The following CYFIP2 variants were observed in gnomAD, a reference collection of about 807,000 sequenced individuals.
The protein encoded by CYFIP2 is cytoplasmic FMR1-interacting protein 2.
Under a neutral mutation model 158.7 loss-of-function variants are expected in CYFIP2, and 29 were observed. The ratio of observed to expected loss-of-function variants is 0.18; its 90% CI spans 0.14 to 0.25. The LOEUF (loss-of-function observed/expected upper bound fraction) is 0.25, where lower values mean the gene tolerates loss of function less well. Among genes scored for constraint, CYFIP2 ranks in the 10% least tolerant of loss-of-function variants. The probability of loss-of-function intolerance (pLI) is 1.00; values close to 1 mark genes in which losing one functional copy is unlikely to be tolerated. For missense variants in CYFIP2, 852 were observed against 1,639.5 expected (o/e 0.52, Z 8.29); for synonymous variants, 585 against 617.6 (o/e 0.95, Z 0.78).
rs564984266 is a variant in CYFIP2 at position 157,310,629 on chromosome 5, C to G, written c.992+795C>G. ...AGCAGGGAATGGAGAATGCTGAACT[C>G]ATTCCTCACTTTTCCCTGCCTGACT... On this transcript the variant is annotated intron_variant, in intron 10 of 30. Transcript: ENST00000620254. 5.3e-5 allele frequency among the ~76,000 whole-genome samples: 8 copies of G among 152,372 alleles called. No homozygotes were observed. In the South Asian group the frequency reaches 1.7e-3, roughly 32 times the overall value.
At chr5:157,338,862 G>A (rs12517646) in intron 21 of CYFIP2, among the ~76,000 whole-genome samples, 195 bp from the exon 22 acceptor site, 70,625 of 152,052 alleles carry the variant, frequency 0.46, 18,246 homozygotes, top group African/African-American at 0.71. Flanking sequence ...TTCTGTCAGC[G>A]TAGTCTGACA....
At chr5:157,364,555 G>C (rs1332098457) in intron 26 of CYFIP2, 1 of 152,328 alleles carries the variant, frequency 6.6e-6, no homozygotes, top group Non-Finnish European at 1.5e-5. Context: ...CAGCAGCAGA[G>C]GTGGAAGAAC....
At chr5:157,320,513 G>A in intron 14 of CYFIP2, 142 bp from the exon 15 acceptor site, 1 of 1,098,690 alleles carries the variant, frequency 9.1e-7, no homozygotes, top group Non-Finnish European at 1.3e-6. Flanking sequence ...TGGAATTGGG[G>A]CAGAAATGAG....
In CYFIP2 at chr5:157,306,909, A is replaced by C. The variant is rs1010496173; in HGVS notation, c.796-852A>C. ...AGGCCATCTTAAAAAAAAAAAAAAA[A>C]CCGGAAATGCACCCACAGAGGAAGC... On this transcript the variant is annotated intron_variant, in intron 8 of 30. Coordinates refer to ENST00000620254, the MANE Select transcript of CYFIP2 (RefSeq NM_001037333.3). Among the ~76,000 whole-genome samples, 8 of 150,812 alleles carry C rather than the reference A, an allele frequency of 5.3e-5. No individual in the cohort carries two copies. In the South Asian group the frequency reaches 8.4e-4, roughly 16 times the overall value.
chr5:157,315,067 C>T lies in CYFIP2; in HGVS notation c.1329C>T (p.Thr443=), dbSNP rs1760028236. ...EYERATRYNY[T]SEEKFAFVEV... Reference sequence around the variant, plus strand: ...AGAGAGCCACACGCTACAATTACACCAGTGAGGAAAAATTTGCCTTCGTTG... The same window carrying T: ...AGAGAGCCACACGCTACAATTACACTAGTGAGGAAAAATTTGCCTTCGTTG... Residue 443 remains threonine (T), a synonymous_variant, in exon 13 of 31, where the codon ACC becomes ACT. Coordinates refer to ENST00000620254, the MANE Select transcript of CYFIP2 (RefSeq NM_001037333.3). 5.0e-6 allele frequency: 8 copies of T among 1,613,468 alleles called. No individual in the cohort carries two copies. Among genetic ancestry groups the T allele is most frequent in the Non-Finnish European group, 5.9e-6 (7 of 1,179,782 alleles).
chr5:157,369,883 T>TGTTTG (rs748472608), intron 26 of CYFIP2, among the ~76,000 whole-genome samples: 3 of 137,476 alleles, frequency 2.2e-5, no homozygotes, highest in Admixed American at 7.2e-5. Flanking sequence ...GACCTAGTTT[T>TGTTTG]TTTTTTTTTT....
At chr5:157,343,280 C>T in intron 23 of CYFIP2, 1 of 1,614,140 alleles carries the variant, frequency 6.2e-7, no homozygotes. Flanking sequence ...GCAGTAGTGC[C>T]TGTAAGGGAA....
intron 26 of CYFIP2, among the ~76,000 whole-genome samples, chr5:157,381,548 G>A (rs55738502): frequency 0.54 from 74,443 of 137,938 alleles, 20,975 homozygotes; most frequent in East Asian, 0.97. Flanking sequence ...AAAAAAAAAA[G>A]GGGTGAGGGG....
At chr5:157,308,381 C>T (rs571241093) in intron 9 of CYFIP2, among the ~76,000 whole-genome samples, 7 of 152,330 alleles carry the variant, frequency 4.6e-5, no homozygotes, top group African/African-American at 7.2e-5. Context: ...GCCTCAGCAA[C>T]GTTCATCATA....
chr5:157,341,387 C>CA (rs70984462), intron 23 of CYFIP2, among the ~76,000 whole-genome samples: 1 of 151,246 alleles, frequency 6.6e-6, no homozygotes, highest in Non-Finnish European at 1.5e-5. Flanking sequence ...CTGTCTCTAC[C>CA]AAAAAAATAA....
chr5:157,342,808 C>T lies in CYFIP2; in HGVS notation c.2673+1651C>T, dbSNP rs559170564. The T allele has an allele frequency of 2.8e-3, 4,238 of 1,518,874 alleles. 25 individuals carry two copies. Among genetic ancestry groups the T allele is most frequent in the Non-Finnish European group, 2.4e-3 (2,690 of 1,124,404 alleles). The allele number at this position is 1,518,874 out of a possible 1,614,324, so 94.1% of individuals were successfully genotyped here. A position where few individuals can be genotyped will look rare whatever the true frequency, so the allele number is the denominator to read the frequency against. ...TCTATAGACACATTTGTACAAACGA[C>T]CTACTGTGTGGAAAGCTTTAGGCTA... is the stretch of plus-strand genomic sequence containing the variant. On this transcript the variant is annotated intron_variant, in intron 23 of 30. Coordinates refer to ENST00000620254, the MANE Select transcript of CYFIP2 (RefSeq NM_001037333.3).
intron 1 of CYFIP2, among the ~76,000 whole-genome samples, chr5:157,280,363 A>ATTTTTTTTTTTTTT (rs57893061): frequency 1.5e-5 from 2 of 133,228 alleles, no homozygotes; most frequent in African/African-American, 2.9e-5. Flanking sequence ...CGCCTGGCTA[A>ATTTTTTTTTTTTTT]TTTTTTTTTT....
At chr5:157,306,406 C>A (rs182506490) in intron 8 of CYFIP2, among the ~76,000 whole-genome samples, 1 of 152,168 alleles carries the variant, frequency 6.6e-6, no homozygotes, top group African/African-American at 2.4e-5. Flanking sequence ...AGTCTTAATG[C>A]GGCCTTCAAA....
chr5:157,290,506 C>T (rs1008614330), intron 3 of CYFIP2, among the ~76,000 whole-genome samples: 1 of 152,162 alleles, frequency 6.6e-6, no homozygotes. Context: ...AGAACAACCA[C>T]CACCACCCGC....
chr5:157,302,959 G>A, intron 7 of CYFIP2, 69 bp downstream of exon 7: 1 of 1,266,686 alleles, frequency 7.9e-7, no homozygotes, highest in Non-Finnish European at 1.1e-6. Context: ...TAGAGGTTGG[G>A]TGGACCACGA....
rs761547295 is a variant in CYFIP2, at chr5:157,314,385, G to A, written c.1152G>A (p.Glu384=). 5 of 1,613,782 alleles carry A rather than the reference G, an allele frequency of 3.1e-6. No homozygotes were observed. Among genetic ancestry groups the A allele is most frequent in the Non-Finnish European group, 3.4e-6 (4 of 1,179,846 alleles). ...GGCTGGACAGCCAGAAGTCAGACGA[G>A]GAGTATCGCGAGCTCTTCGACCTAG... ...GSGLDSQKSD[E]EYRELFDLAL... is the part of the protein sequence containing the mutation. Residue 384 remains glutamate (E), a synonymous_variant, in exon 12 of 31, where the codon GAG becomes GAA. Transcript: ENST00000620254.
chr5:157,376,364 A>T (rs1303501043), intron 26 of CYFIP2: 1 of 151,906 alleles, frequency 6.6e-6, no homozygotes, highest in African/African-American at 2.4e-5. Flanking sequence ...TTGAAATCTC[A>T]TTTTTACAGA....
chr5:157,336,965 G>A (rs1464011836), intron 21 of CYFIP2, among the ~76,000 whole-genome samples: 7 of 152,180 alleles, frequency 4.6e-5, no homozygotes, highest in Admixed American at 2.6e-4. Flanking sequence ...CTCTCCTTCA[G>A]TTTCCCTTGT....
chr5:157,366,633 T>C (rs537292899), intron 26 of CYFIP2, among the ~76,000 whole-genome samples: 1 of 152,374 alleles, frequency 6.6e-6, no homozygotes, highest in African/African-American at 2.4e-5. Flanking sequence ...GGTAGTGCTA[T>C]GTCTGTCATT....
Sources: gnomAD v4.1 joint callset for allele counts (sites outside exome capture counted in the v4.1 genomes callset) on GRCh38, gnomAD v4.1.1 for gene constraint, MANE v1.5 for transcripts, NCBI Gene and HGNC (gene_info 2026-07-23, HGNC 2026-07-21) for gene names.